The following COL5A3 variants were observed in gnomAD, a reference collection of about 807,000 sequenced individuals.
COL5A3 encodes collagen type V alpha 3 chain, also known as collagen alpha-3(V) chain.
In COL5A3, 172 loss-of-function variants were observed where a neutral mutation model predicts 250.0. That is an observed-to-expected ratio of 0.69 (90% CI 0.61 to 0.78). The LOEUF is 0.78. Ranked by LOEUF, COL5A3 falls within the 30% of genes least tolerant of loss-of-function variation. The pLI, the probability that COL5A3 is intolerant of heterozygous loss-of-function variation, is 0.00. For missense variants in COL5A3, 2,340 were observed against 2,334.4 expected (o/e 1.00, Z -0.05); for synonymous variants, 937 against 900.4 (o/e 1.04, Z -0.73).
Position 10,003,578 on chromosome 19 carries a change from G to A in COL5A3, c.836C>T (p.Ser279Phe). The part of the protein sequence containing the change: ...EIWTSSPPPD[S>F]AENQTSTDIP... ...CAGGGCCCTTACCTGGTTCTCTGCG[G>A]AGTCAGGAGGTGGACTTGAGGTCCA... Residue 279 changes from serine to phenylalanine, a missense_variant, in exon 6 of 67, where the codon TCC becomes TTC. This residue lies in a region of COL5A3 where 1,152 missense variants were observed against 1,146.3 expected (regional missense o/e 1.00). Transcript: ENST00000264828. The A allele has an allele frequency of 6.2e-7, 1 of 1,614,182 alleles. No individual in the cohort carries two copies. The highest frequency in any genetic ancestry group is 8.5e-7 in the Non-Finnish European group (1 of 1,180,024).
chr19:9,960,680 TGGC>T lies in COL5A3; in HGVS notation c.5059_5061del (p.Ala1687del). 1 of 1,614,010 alleles carries T rather than the reference TGGC, an allele frequency of 6.2e-7. No individual in the cohort carries two copies. Among genetic ancestry groups the T allele is most frequent in the Non-Finnish European group, 8.5e-7 (1 of 1,180,018 alleles). On this transcript the variant is annotated inframe_deletion, in exon 66 of 67. Transcript: ENST00000264828. The stretch of plus-strand genomic sequence containing the variant: ...CAGCCATCCTGGGGGACGCTGACAG[TGGC>T]TGCTGTCGTCTGGTTGAAAGACAGC...
Position 9,960,354 on chromosome 19 carries a change from G to C in COL5A3, c.*57C>G, listed in dbSNP as rs868455616. The C allele has an allele frequency of 1.1e-4, 171 of 1,606,096 alleles. No homozygotes were observed. In the African/African-American group the frequency reaches 2.1e-3, roughly 19 times the overall value. ...AAAATACGGTGGCTTCAAAGCCTCA[G>C]CACCAAATGCACCCCATTCTGGGGC... On this transcript the variant is annotated 3_prime_UTR_variant, in exon 67 of 67. Transcript: ENST00000264828.
At chr19:9,977,122 A>G (rs570155365) in intron 44 of COL5A3, 107 bp downstream of exon 44, 93 of 1,127,334 alleles carry the variant, frequency 8.2e-5, no homozygotes, top group Non-Finnish European at 1.1e-4. Flanking sequence ...GAGAAGGCAG[A>G]AAACTCCATG....
At chr19:9,994,559 C>CACATAT (rs2087241852) in intron 16 of COL5A3, among the ~76,000 whole-genome samples, 1 of 70,700 alleles carries the variant, frequency 1.4e-5, no homozygotes, top group Non-Finnish European at 3.3e-5. Context: ...ATATGTTTTA[C>CACATAT]ATATATATAT....
chr19:10,009,368 C>A lies in COL5A3; in HGVS notation c.88+930G>T, dbSNP rs2145153093. Among the ~76,000 whole-genome samples the A allele has an allele frequency of 6.6e-6, 1 of 152,236 alleles. No individual in the cohort carries two copies. The highest frequency in any genetic ancestry group is 2.1e-4 in the South Asian group (1 of 4,824). On this transcript the variant is annotated intron_variant, in intron 1 of 66. Transcript: ENST00000264828. This position sits in a 1 kb window ranked among gnomAD's most constrained non-coding sequence, Gnocchi z 4.4. Reference sequence around the variant, plus strand: ...CTGAGGGGCGGGACAGGGCGCCCAGCCAGATGCGCGCAGCTGGGCGTGCGT... The same window carrying A: ...CTGAGGGGCGGGACAGGGCGCCCAGACAGATGCGCGCAGCTGGGCGTGCGT...
intron 64 of COL5A3, among the ~76,000 whole-genome samples, chr19:9,964,394 G>T (rs1394238014): frequency 6.6e-6 from 1 of 151,628 alleles, no homozygotes; most frequent in Non-Finnish European, 1.5e-5. Context: ...GAGGCCAGGA[G>T]TTCAAGACCA....
In COL5A3 at chr19:9,967,383, A is replaced by C. The variant is rs140204153; in HGVS notation, c.4422T>G (p.Arg1474=). Residue 1474 remains arginine (R), a synonymous_variant, in exon 62 of 67, where the codon CGT becomes CGG. Coordinates refer to ENST00000264828, the MANE Select transcript of COL5A3 (RefSeq NM_015719.4). ...SKGSPGSMGP[R]GDTGPAGPPG... ...GTGGGCCTGCAGGTCCAGTGTCTCC[A>C]CGGGGGCCCATGGACCCCTGTAGGG... The C allele has an allele frequency of 6.8e-6, 10 of 1,479,860 alleles. No individual in the cohort carries two copies. The East Asian group carries it at 2.8e-4, about 41-fold the overall frequency. 91.7% of individuals were successfully genotyped at this position (1,479,860 alleles called of 1,614,324 possible).
chr19:9,984,094 GC>G (rs2087060303), intron 31 of COL5A3, among the ~76,000 whole-genome samples: 1 of 151,928 alleles, frequency 6.6e-6, no homozygotes, highest in African/African-American at 2.4e-5. Context: ...CACGATCTCA[GC>G]TCACTGCATC....
At chr19:9,966,453 G>C in intron 63 of COL5A3, 27 bp from the exon 64 acceptor site, 1 of 1,579,658 alleles carries the variant, frequency 6.3e-7, no homozygotes, top group South Asian at 1.2e-5. Flanking sequence ...CAGGGTGGGT[G>C]AGTCCGGATG....
intron 54 of COL5A3, among the ~76,000 whole-genome samples, chr19:9,970,263 G>C (rs149136303): frequency 1.5e-5 from 1 of 64,728 alleles, no homozygotes. Context: ...GAGGTGGGGT[G>C]TGTGGATGAG....
chr19:9,967,879 GC>G, intron 61 of COL5A3, 24 bp downstream of exon 61: 1 of 1,610,300 alleles, frequency 6.2e-7, no homozygotes, highest in Non-Finnish European at 8.5e-7. Flanking sequence ...GGATGTGTAA[GC>G]CCACGGAAGC....
chr19:9,980,964 C>G lies in COL5A3; in HGVS notation c.2506-105G>C, dbSNP rs1599547527. ...CTCCCCTTGTGACTCCCTCTCCTGC[C>G]CGACCAGGGACATTGATATAACCCA... On this transcript the variant is annotated intron_variant, in intron 33 of 66. Coordinates refer to ENST00000264828, the MANE Select transcript of COL5A3 (RefSeq NM_015719.4). 9.3e-6 allele frequency: 14 copies of G among 1,497,608 alleles called. No homozygotes were observed. The East Asian group carries it at 3.2e-4, about 34-fold the overall frequency. 92.8% of individuals were successfully genotyped at this position (1,497,608 alleles called of 1,614,324 possible).
At chr19:9,970,758 C>T in intron 53 of COL5A3, 83 bp from the exon 54 acceptor site, 1 of 1,192,442 alleles carries the variant, frequency 8.4e-7, no homozygotes. Flanking sequence ...GACCAGAGGA[C>T]ACCCTTCCCC....
rs916835806 is a variant in COL5A3, at chr19:9,960,080, G to A, written c.*331C>T. On this transcript the variant is annotated 3_prime_UTR_variant, in exon 67 of 67. Coordinates refer to ENST00000264828, the MANE Select transcript of COL5A3 (RefSeq NM_015719.4). ...TGAGGAGGCAGGCATTGGGGGTGGGGGGGCTTTTGTTCATCAGCTCTGAGT... is the reference window on the plus strand; with the variant it reads ...TGAGGAGGCAGGCATTGGGGGTGGGAGGGCTTTTGTTCATCAGCTCTGAGT... 21 of 309,394 alleles carry A rather than the reference G, an allele frequency of 6.8e-5. No individual in the cohort carries two copies. The highest frequency in any genetic ancestry group is 1.2e-4 in the Non-Finnish European group (19 of 162,434). 19.2% of individuals were successfully genotyped at this position (309,394 alleles called of 1,614,324 possible).
chr19:9,984,722 A>G (rs1004353942), intron 31 of COL5A3, among the ~76,000 whole-genome samples: 4 of 152,112 alleles, frequency 2.6e-5, no homozygotes, highest in Non-Finnish European at 5.9e-5. Context: ...CAGGCTCAAG[A>G]AACTTTCCCA....
intron 45 of COL5A3, among the ~76,000 whole-genome samples, 188 bp downstream of exon 45, chr19:9,976,370 G>A (rs1460941844): frequency 6.7e-6 from 1 of 149,326 alleles, no homozygotes; most frequent in African/African-American, 2.4e-5. Context: ...CGGTATTGAG[G>A]GGACAACATG....
At chr19:9,966,269 G>A in intron 64 of COL5A3, 45 bp downstream of exon 64, 2 of 1,446,000 alleles carry the variant, frequency 1.4e-6, no homozygotes, top group Non-Finnish European at 1.9e-6. Flanking sequence ...GGGAGCAGGG[G>A]ACAGCACTTC....
At position 10,009,321 on chromosome 19, in the gene COL5A3, G is replaced by T. The variant is rs958251597; in HGVS notation, c.88+977C>A. ...GAAGCTACGCCATCCCCTGACTCCC[G>T]AAGCGCCCCCCACTCTGAACCCTGA... is the stretch of plus-strand genomic sequence containing the variant. On this transcript the variant is annotated intron_variant, in intron 1 of 66. Coordinates refer to ENST00000264828, the MANE Select transcript of COL5A3 (RefSeq NM_015719.4). The surrounding 1 kb of genome is among the most constrained non-coding windows in gnomAD (Gnocchi z 4.4). 1.3e-5 allele frequency among the ~76,000 whole-genome samples: 2 copies of T among 151,992 alleles called. No individual in the cohort carries two copies. Among genetic ancestry groups the T allele is most frequent in the Admixed American group, 1.3e-4 (2 of 15,256 alleles).
Position 10,010,376 on chromosome 19 carries a change from G to C in COL5A3, c.10C>G (p.Arg4Gly), listed in dbSNP as rs1318778208. The C allele has an allele frequency of 1.4e-6, 2 of 1,449,462 alleles. No homozygotes were observed. The highest frequency in any genetic ancestry group is 1.5e-5 in the African/African-American group (1 of 67,600). The allele number at this position is 1,449,462 out of a possible 1,614,324, so 89.8% of individuals were successfully genotyped here. A position where few individuals can be genotyped will look rare whatever the true frequency, so the allele number is the denominator to read the frequency against. ...GCCCGCGGCTGGCCCAGGTCCCGGC[G>C]GTTCCCCATCCCGGCGGGGCCCACG... MGN[R>G]RDLGQPRAGL... Residue 4 changes from arginine to glycine, a missense_variant, in exon 1 of 67, where the codon CGC becomes GGC. Around this residue, in one of 3 missense-constraint regions of COL5A3, gnomAD observed 1,152 missense variants for 1,146.3 expected, o/e 1.00. Coordinates refer to ENST00000264828, the MANE Select transcript of COL5A3 (RefSeq NM_015719.4).
Sources: allele counts gnomAD v4.1 joint callset (sites outside exome capture counted in the v4.1 genomes callset), GRCh38; gene constraint gnomAD v4.1.1; regional missense constraint gnomAD v4.1.1; non-coding constraint Gnocchi (gnomAD v3.1); transcripts MANE v1.5; gene names NCBI Gene and HGNC (gene_info 2026-07-23, HGNC 2026-07-21).